Variants in TRAPPC8 observed in about 807,000 individuals in gnomAD.
The protein encoded by TRAPPC8 is trafficking protein particle complex subunit 8.
Under a neutral mutation model 174.3 loss-of-function variants are expected in TRAPPC8, and 54 were observed. The observed-to-expected ratio is 0.31, with a 90% CI of 0.25 to 0.39. TRAPPC8 has a LOEUF of 0.39. TRAPPC8 is among the 10% of genes least tolerant of loss of function. The pLI, the probability that TRAPPC8 is intolerant of heterozygous loss-of-function variation, is 1.00. For missense variants in TRAPPC8, 1,531 were observed against 1,699.1 expected (o/e 0.90, Z 1.74); for synonymous variants, 630 against 579.9 (o/e 1.09, Z -1.24).
chr18:31,832,593 ATTTG>A (rs1327481724), intron 27 of TRAPPC8: 1 of 152,204 alleles, frequency 6.6e-6, no homozygotes, highest in African/African-American at 2.4e-5. Context: ...CTAGACTGAC[ATTTG>A]TTTTTCTATC....
intron 12 of TRAPPC8, among the ~76,000 whole-genome samples, chr18:31,875,883 G>C (rs1447777415): frequency 1.3e-5 from 2 of 152,182 alleles, no homozygotes; most frequent in Non-Finnish European, 2.9e-5. Context: ...TGAAAATAGA[G>C]AGTGGACTGG....
chr18:31,932,671 A>G (rs1273994055), intron 1 of TRAPPC8, among the ~76,000 whole-genome samples: 11 of 152,116 alleles, frequency 7.2e-5, no homozygotes, highest in Admixed American at 7.2e-4. Context: ...AAAATGTTCC[A>G]CAGTAGCATT....
chr18:31,839,057 A>C (rs1223752215), intron 27 of TRAPPC8, among the ~76,000 whole-genome samples: 1 of 152,182 alleles, frequency 6.6e-6, no homozygotes, highest in Non-Finnish European at 1.5e-5. Context: ...TCTTATTTTT[A>C]GAATTTTAGA....
In TRAPPC8 at chr18:31,874,469, T is replaced by C; in HGVS notation, c.1953+11A>G. On this transcript the variant is annotated intron_variant, in intron 13 of 28. Coordinates refer to ENST00000283351, the MANE Select transcript of TRAPPC8 (RefSeq NM_014939.5). ...TTTAATATCTATTCCTGAATGAAAA[T>C]AAGCAGTCACCTTGTAAACATAAAG... 1 of 1,609,970 alleles carries C rather than the reference T, an allele frequency of 6.2e-7. No individual in the cohort carries two copies. Among genetic ancestry groups the C allele is most frequent in the Non-Finnish European group, 8.5e-7 (1 of 1,176,388 alleles).
intron 2 of TRAPPC8, among the ~76,000 whole-genome samples, chr18:31,925,404 A>G (rs950830135): frequency 1.3e-5 from 2 of 152,106 alleles, no homozygotes; most frequent in Non-Finnish European, 2.9e-5. Context: ...AAAAGACACC[A>G]AACATTAAAA....
At chr18:31,900,857 GAAAAAA>G in intron 10 of TRAPPC8, 62 bp downstream of exon 10, 2 of 989,888 alleles carry the variant, frequency 2.0e-6, no homozygotes, top group East Asian at 2.9e-5. Context: ...TAGGAATGGG[GAAAAAA>G]AAAAAAAAAG....
intron 19 of TRAPPC8, among the ~76,000 whole-genome samples, chr18:31,858,636 CA>C (rs1200177565): frequency 6.6e-6 from 1 of 152,172 alleles, no homozygotes; most frequent in Non-Finnish European, 1.5e-5. Flanking sequence ...ATGGGGTTTA[CA>C]TAACTTCACA....
intron 17 of TRAPPC8, 106 bp from the exon 18 acceptor site, chr18:31,867,081 T>C (rs1255546341): frequency 8.4e-7 from 1 of 1,184,014 alleles, no homozygotes; most frequent in Non-Finnish European, 1.2e-6. Flanking sequence ...ACCTAAACTT[T>C]TAAAATGCCA....
intron 12 of TRAPPC8, chr18:31,883,193 A>C (rs1182114314): frequency 6.7e-6 from 1 of 149,066 alleles, no homozygotes; most frequent in Non-Finnish European, 1.5e-5. Flanking sequence ...ACTGCACTCC[A>C]GCCTGGGTGA....
At chr18:31,903,622 T>C (rs1370947296) in intron 9 of TRAPPC8, among the ~76,000 whole-genome samples, 2 of 152,230 alleles carry the variant, frequency 1.3e-5, no homozygotes, top group Admixed American at 6.5e-5. Context: ...TATCAATATA[T>C]TCTGCCAATT....
chr18:31,889,235 C>A (rs767673434), intron 12 of TRAPPC8, among the ~76,000 whole-genome samples: 2 of 152,060 alleles, frequency 1.3e-5, no homozygotes, highest in African/African-American at 2.4e-5. Flanking sequence ...GATTACGAAG[C>A]CAGATAGCAA....
intron 12 of TRAPPC8, among the ~76,000 whole-genome samples, chr18:31,880,090 AATATATATATATATATATAT>A (rs1246506445): frequency 4.7e-5 from 4 of 85,380 alleles, no homozygotes; most frequent in Non-Finnish European, 8.7e-5. Flanking sequence ...TGAAAAAAAA[AATATATATATATATATATAT>A]ATATATATAT....
intron 26 of TRAPPC8, chr18:31,844,715 CAA>C (rs530498817): frequency 2.2e-4 from 18 of 80,936 alleles, no homozygotes; most frequent in East Asian, 3.7e-4. Context: ...GACTCTGTCT[CAA>C]AAAAAAAAAA....
intron 12 of TRAPPC8, among the ~76,000 whole-genome samples, chr18:31,878,241 A>G (rs555350758): frequency 3.9e-5 from 6 of 152,316 alleles, no homozygotes; most frequent in African/African-American, 7.2e-5. Flanking sequence ...CATCCCAAAA[A>G]GGATCAAATA....
At chr18:31,928,668 T>C (rs1598752361) in intron 2 of TRAPPC8, among the ~76,000 whole-genome samples, 1 of 152,208 alleles carries the variant, frequency 6.6e-6, no homozygotes, top group East Asian at 1.9e-4. Context: ...CAATGTATTG[T>C]TGATATTAAC....
intron 9 of TRAPPC8, among the ~76,000 whole-genome samples, chr18:31,904,240 AAAAAAAAAAAAG>A (rs912053151): frequency 6.6e-6 from 1 of 150,936 alleles, no homozygotes; most frequent in Non-Finnish European, 1.5e-5. Context: ...TGCCTCCAAA[AAAAAAAAAAAAG>A]AAAAAAGAAC....
intron 11 of TRAPPC8, among the ~76,000 whole-genome samples, chr18:31,895,219 A>T (rs768427086): frequency 1.3e-5 from 2 of 152,228 alleles, no homozygotes; most frequent in Non-Finnish European, 2.9e-5. Context: ...CTTCAAAACC[A>T]GTGTACATCT....
intron 21 of TRAPPC8, among the ~76,000 whole-genome samples, chr18:31,855,240 A>G (rs1429821433): frequency 6.6e-6 from 1 of 152,194 alleles, no homozygotes; most frequent in Non-Finnish European, 1.5e-5. Flanking sequence ...AGGAATGGCA[A>G]TATTTCAGAA....
chr18:31,855,191 G>GA lies in TRAPPC8; in HGVS notation c.3336+468dup, dbSNP rs1208558720. Among the ~76,000 whole-genome samples, 71 of 148,706 alleles carry GA rather than the reference G, an allele frequency of 4.8e-4. No individual in the cohort carries two copies. In the East Asian group the frequency reaches 8.3e-3, roughly 17 times the overall value. ...TGAGAACCTGTCTACAAAGAAAAAA[G>GA]AAAAAAAAATGTTCATTTTTATATT... On this transcript the variant is annotated intron_variant, in intron 21 of 28. Coordinates refer to ENST00000283351, the MANE Select transcript of TRAPPC8 (RefSeq NM_014939.5).
Sources: allele counts gnomAD v4.1 joint callset (sites outside exome capture counted in the v4.1 genomes callset), GRCh38; gene constraint gnomAD v4.1.1; transcripts MANE v1.5; gene names NCBI Gene and HGNC (gene_info 2026-07-23, HGNC 2026-07-21).